Variants in GNAI1 observed in about 807,000 individuals in gnomAD.
GNAI1 encodes guanine nucleotide-binding protein G(i) subunit alpha-1.
GNAI1 carries 11 observed loss-of-function variants against 38.9 expected under a neutral mutation model. That is an observed-to-expected ratio of 0.28 (90% CI 0.18 to 0.47). The LOEUF is 0.47. GNAI1 is among the 20% of genes least tolerant of loss of function. GNAI1 has a pLI of 0.99. For synonymous variants in GNAI1, 166 were observed against 145.1 expected, an observed-to-expected ratio of 1.14 and a Z score of -1.04; for missense variants, 317 against 436.9, an observed-to-expected ratio of 0.73 and a Z score of 2.45.
intron 3 of GNAI1, among the ~76,000 whole-genome samples, chr7:80,194,654 ATTATT>A (rs1365007098): frequency 2.0e-5 from 3 of 152,202 alleles, no homozygotes; most frequent in East Asian, 3.9e-4. Context: ...AAGGATGCAC[ATTATT>A]TTATTTCTCT....
In GNAI1 at chr7:80,208,387, G is replaced by A. The variant is rs1325702120; in HGVS notation, c.591-2582G>A. Among the ~76,000 whole-genome samples, 4 of 152,304 alleles carry A rather than the reference G, an allele frequency of 2.6e-5. No homozygotes were observed. In the East Asian group the frequency reaches 7.7e-4, roughly 29 times the overall value. ...TACCATTATATGGAAAATGAAAGCA[G>A]TGATAAAAATTAGTGTTTCTTCTAG... is the stretch of plus-strand genomic sequence containing the variant. On this transcript the variant is annotated intron_variant, in intron 5 of 7. Coordinates refer to ENST00000649796, the MANE Select transcript of GNAI1 (RefSeq NM_002069.6).
At chr7:80,157,652 A>G (rs1056113904) in intron 1 of GNAI1, among the ~76,000 whole-genome samples, 1 of 152,168 alleles carries the variant, frequency 6.6e-6, no homozygotes, top group African/African-American at 2.4e-5. Flanking sequence ...GTGTAGTGGT[A>G]TCTCATTGGT....
intron 1 of GNAI1, chr7:80,135,930 A>G: frequency 1.0e-6 from 1 of 985,346 alleles, no homozygotes; most frequent in Non-Finnish European, 1.2e-6. Flanking sequence ...AAGCCACCCA[A>G]GTGGGGTTGG....
At position 80,135,150 on chromosome 7, in the gene GNAI1, C is replaced by G. The variant is rs781257702; in HGVS notation, c.-11C>G. Reference sequence around the variant, plus strand: ...CGGAGGGAGCGGCGGCAGGCTCTCGCTTTCGGCACCATGGGCTGCACGCTG... The same window carrying G: ...CGGAGGGAGCGGCGGCAGGCTCTCGGTTTCGGCACCATGGGCTGCACGCTG... On this transcript the variant is annotated 5_prime_UTR_variant, in exon 1 of 8. Coordinates refer to ENST00000649796, the MANE Select transcript of GNAI1 (RefSeq NM_002069.6). 2 of 1,490,420 alleles carry G rather than the reference C, an allele frequency of 1.3e-6. No individual in the cohort carries two copies. The highest frequency in any genetic ancestry group is 1.4e-5 in the African/African-American group (1 of 69,092). 92.3% of individuals were successfully genotyped at this position (1,490,420 alleles called of 1,614,324 possible). A position where few individuals can be genotyped will look rare whatever the true frequency, so the allele number is the denominator to read the frequency against.
rs1237196380 is a variant in GNAI1, at chr7:80,224,339, T to C, written c.*6846T>C. Among the ~76,000 whole-genome samples the C allele has an allele frequency of 2.0e-5, 3 of 152,274 alleles. No individual in the cohort carries two copies. Among genetic ancestry groups the C allele is most frequent in the Non-Finnish European group, 2.9e-5 (2 of 68,038 alleles). ...TAAGAGAGGTTAGTATTTTGTGCAATGTTGGCTATCTAGGAAGTGGCAGAG... is the reference window on the plus strand; with the variant it reads ...TAAGAGAGGTTAGTATTTTGTGCAACGTTGGCTATCTAGGAAGTGGCAGAG... On this transcript the variant is annotated 3_prime_UTR_variant, in exon 8 of 8. Transcript: ENST00000649796.
chr7:80,145,408 C>A (rs964281812), intron 1 of GNAI1, among the ~76,000 whole-genome samples: 1 of 152,092 alleles, frequency 6.6e-6, no homozygotes, highest in African/African-American at 2.4e-5. Flanking sequence ...TCTGGAGTTC[C>A]TTTTATATGA....
At position 80,218,068 on chromosome 7, in the gene GNAI1, T is replaced by G. The variant is rs1789004391; in HGVS notation, c.*575T>G. On this transcript the variant is annotated 3_prime_UTR_variant, in exon 8 of 8. Transcript: ENST00000649796. ...TGCACAGACTATTTTAATAACATGA[T>G]TTGTTCTTTAAATTTTATGTGTTTT... The G allele has an allele frequency of 2.0e-5, 3 of 152,566 alleles. No individual in the cohort carries two copies. The highest frequency in any genetic ancestry group is 2.0e-4 in the Admixed American group (3 of 15,264). The allele number at this position is 152,566 out of a possible 1,614,324, so 9.5% of individuals were successfully genotyped here.
rs1462111220 is a variant in GNAI1, at chr7:80,219,285, A to C, written c.*1792A>C. 1 of 152,622 alleles carries C rather than the reference A, an allele frequency of 6.6e-6. No individual in the cohort carries two copies. Among genetic ancestry groups the C allele is most frequent in the African/African-American group, 2.4e-5 (1 of 41,446 alleles). The allele number at this position is 152,622 out of a possible 1,614,324, so 9.5% of individuals were successfully genotyped here. On this transcript the variant is annotated 3_prime_UTR_variant, in exon 8 of 8. Coordinates refer to ENST00000649796, the MANE Select transcript of GNAI1 (RefSeq NM_002069.6). ...ATATGAATAAATTTGAATCATGAGA[A>C]TTATGGGTTAAAAAGCCACAAAGAA...
intron 1 of GNAI1, among the ~76,000 whole-genome samples, chr7:80,171,968 C>T (rs1381069540): frequency 6.6e-6 from 1 of 152,080 alleles, no homozygotes; most frequent in Non-Finnish European, 1.5e-5. Flanking sequence ...GAATAGTGGT[C>T]CAGTGAAAAG....
chr7:80,193,183 A>G (rs1323250040), intron 3 of GNAI1, among the ~76,000 whole-genome samples: 3 of 152,164 alleles, frequency 2.0e-5, no homozygotes, highest in African/African-American at 7.2e-5. Flanking sequence ...TTTCTCTGCC[A>G]GATGAACTTG....
At chr7:80,189,032 G>C in intron 2 of GNAI1, 39 bp downstream of exon 2, 2 of 1,602,832 alleles carry the variant, frequency 1.2e-6, no homozygotes, top group Non-Finnish European at 1.7e-6. Flanking sequence ...GTTTAAGTTA[G>C]TGTACCGTTC....
chr7:80,152,249 T>G (rs1157228661), intron 1 of GNAI1, among the ~76,000 whole-genome samples: 1 of 152,228 alleles, frequency 6.6e-6, no homozygotes, highest in African/African-American at 2.4e-5. Context: ...TTATTTCATG[T>G]GTGCATTTGC....
intron 3 of GNAI1, among the ~76,000 whole-genome samples, chr7:80,198,325 TC>T (rs1303980328): frequency 6.6e-6 from 1 of 152,102 alleles, no homozygotes; most frequent in African/African-American, 2.4e-5. Flanking sequence ...CTGTTAAAAA[TC>T]ATTTCACCTA....
intron 1 of GNAI1, among the ~76,000 whole-genome samples, chr7:80,188,297 G>T (rs113268995): frequency 3.3e-5 from 5 of 152,130 alleles, no homozygotes; most frequent in African/African-American, 1.2e-4. Flanking sequence ...TAATTGGTCA[G>T]GCAGTTAAAA....
intron 3 of GNAI1, 124 bp downstream of exon 3, chr7:80,189,355 A>G: frequency 1.3e-6 from 1 of 794,608 alleles, no homozygotes; most frequent in South Asian, 1.6e-5. Flanking sequence ...AACCAAAAGG[A>G]TAGAAGTGAG....
At chr7:80,168,957 A>G (rs1034448891) in intron 1 of GNAI1, among the ~76,000 whole-genome samples, 2 of 152,152 alleles carry the variant, frequency 1.3e-5, no homozygotes, top group Non-Finnish European at 2.9e-5. Flanking sequence ...TACAGGACCT[A>G]TATATTGCCT....
chr7:80,169,509 A>G (rs1788066981), intron 1 of GNAI1, among the ~76,000 whole-genome samples: 1 of 152,184 alleles, frequency 6.6e-6, no homozygotes, highest in Non-Finnish European at 1.5e-5. Context: ...AGGTGGAATG[A>G]AGGTTCCATT....
At chr7:80,159,672 T>G (rs781394942) in intron 1 of GNAI1, among the ~76,000 whole-genome samples, 2 of 152,192 alleles carry the variant, frequency 1.3e-5, no homozygotes, top group Admixed American at 6.5e-5. Context: ...GTTTCCTGTT[T>G]GGATGGTGGA....
In GNAI1 at chr7:80,193,083, A is replaced by G. The variant is rs566009046; in HGVS notation, c.303+3852A>G. Among the ~76,000 whole-genome samples, 233 of 151,558 alleles carry G rather than the reference A, an allele frequency of 1.5e-3. 4 individuals carry two copies. Among genetic ancestry groups the G allele is most frequent in the African/African-American group, 5.0e-3 (205 of 41,266 alleles). On this transcript the variant is annotated intron_variant, in intron 3 of 7. Coordinates refer to ENST00000649796, the MANE Select transcript of GNAI1 (RefSeq NM_002069.6). ...TGAGAGTCACATCATTTTAATTTCT[A>G]TGGCTTCATGGATTAGTTGGCACCT...
Sources: allele counts gnomAD v4.1 joint callset (sites outside exome capture counted in the v4.1 genomes callset), GRCh38; gene constraint gnomAD v4.1.1; transcripts MANE v1.5; gene names NCBI Gene and HGNC (gene_info 2026-07-23, HGNC 2026-07-21).